Variants in CGNL1 observed in about 807,000 individuals in gnomAD.
CGNL1 encodes cingulin-like protein 1.
CGNL1 carries 132 observed loss-of-function variants against 141.2 expected under a neutral mutation model. The ratio of observed to expected loss-of-function variants is 0.93; its 90% CI spans 0.81 to 1.08. The LOEUF (loss-of-function observed/expected upper bound fraction) is 1.08. Among genes scored for constraint, CGNL1 ranks in the 50% least tolerant of loss-of-function variants. The pLI, the probability that CGNL1 is intolerant of heterozygous loss-of-function variation, is 0.00. For missense variants in CGNL1, 1,870 were observed against 1,588.6 expected, an observed-to-expected ratio of 1.18 and a Z score of -3.01; for synonymous variants, 690 against 622.1, an observed-to-expected ratio of 1.11 and a Z score of -1.63.
chr15:57,419,828 A>G (rs1486483354), intron 1 of CGNL1, among the ~76,000 whole-genome samples: 3 of 152,166 alleles, frequency 2.0e-5, no homozygotes, highest in Non-Finnish European at 4.4e-5. Context: ...TGAGGAAGTC[A>G]CTATGTGCAG....
chr15:57,545,493 G>C (rs1170315506), intron 16 of CGNL1, 99 bp from the exon 17 acceptor site: 2 of 1,024,514 alleles, frequency 2.0e-6, no homozygotes, highest in Non-Finnish European at 2.9e-6. Context: ...GAGCTGACCA[G>C]GCACCCCTGG....
At chr15:57,503,779 C>T (rs997070650) in intron 8 of CGNL1, among the ~76,000 whole-genome samples, 4 of 152,062 alleles carry the variant, frequency 2.6e-5, no homozygotes, top group South Asian at 2.1e-4. Context: ...GATACAGAAG[C>T]GGAAACCTCT....
intron 1 of CGNL1, among the ~76,000 whole-genome samples, chr15:57,410,728 T>C (rs73417960): frequency 0.11 from 16,211 of 152,292 alleles, 978 homozygotes; most frequent in Middle Eastern, 0.21. Flanking sequence ...TGCTAAACTT[T>C]TGCCTCTTAA....
At position 57,401,017 on chromosome 15, in the gene CGNL1, A is replaced by AT. The variant is rs1214587391; in HGVS notation, c.-16+24459dup. On this transcript the variant is annotated intron_variant, in intron 1 of 18. Coordinates refer to ENST00000281282, the MANE Select transcript of CGNL1 (RefSeq NM_032866.5). ...ATAACTACGCTTTAAGGATTTGATAATTTTTTTTTAGATTTTTCTGTAACT... is the reference window on the plus strand; with the variant it reads ...ATAACTACGCTTTAAGGATTTGATAATTTTTTTTTTAGATTTTTCTGTAACT... 1.1e-4 allele frequency among the ~76,000 whole-genome samples: 16 copies of AT among 150,886 alleles called. No individual in the cohort carries two copies. In the East Asian group the frequency reaches 2.1e-3, roughly 20 times the overall value.
Position 57,547,379 on chromosome 15 carries a change from G to T in CGNL1, c.3798G>T (p.Val1266=), listed in dbSNP as rs1363635718. Residue 1266 remains valine, a synonymous_variant, in exon 19 of 19, where the codon GTG becomes GTT. Coordinates refer to ENST00000281282, the MANE Select transcript of CGNL1 (RefSeq NM_032866.5). ...DLRLKKLPSK[V]LDDMDDDDDL... ...GACTGAAGAAGCTGCCGAGTAAAGT[G>T]CTGGATGACATGGATGACGACGATG... 5 of 1,614,228 alleles carry T rather than the reference G, an allele frequency of 3.1e-6. No homozygotes were observed. The highest frequency in any genetic ancestry group is 4.2e-6 in the Non-Finnish European group (5 of 1,180,030).
At chr15:57,538,758 C>A (rs973374435) in intron 14 of CGNL1, among the ~76,000 whole-genome samples, 2 of 152,214 alleles carry the variant, frequency 1.3e-5, no homozygotes, top group Non-Finnish European at 2.9e-5. Context: ...GCGCTCTCTG[C>A]ACTCTGCCTC....
At chr15:57,529,001 C>T (rs1374092193) in intron 13 of CGNL1, 186 bp downstream of exon 13, 9 of 580,624 alleles carry the variant, frequency 1.6e-5, no homozygotes, top group Non-Finnish European at 2.7e-5. Context: ...AGACTCAGGA[C>T]ATCAGAGCTA....
chr15:57,445,981 G>C (rs2063246167), intron 4 of CGNL1, among the ~76,000 whole-genome samples: 1 of 152,276 alleles, frequency 6.6e-6, no homozygotes, highest in East Asian at 1.9e-4. Flanking sequence ...ACATCTAAAA[G>C]GAGAAAGCCA....
intron 8 of CGNL1, among the ~76,000 whole-genome samples, chr15:57,474,515 C>A (rs998868892): frequency 3.9e-5 from 6 of 152,040 alleles, no homozygotes; most frequent in African/African-American, 1.4e-4. Flanking sequence ...TTGCAGAATG[C>A]CCTGTATTTG....
At position 57,517,029 on chromosome 15, in the gene CGNL1, T is replaced by C. The variant is rs538687806; in HGVS notation, c.2610+43T>C. ...CAGGCCCAGCTTTGGCAGCTGCTGC[T>C]CCTTCTTTCCTGTGTAAGTGATTTC... is the stretch of plus-strand genomic sequence containing the variant. On this transcript the variant is annotated intron_variant, in intron 9 of 18. Coordinates refer to ENST00000281282, the MANE Select transcript of CGNL1 (RefSeq NM_032866.5). 4 of 1,561,800 alleles carry C rather than the reference T, an allele frequency of 2.6e-6. No individual in the cohort carries two copies. The East Asian group carries it at 9.1e-5, about 36-fold the overall frequency.
At chr15:57,386,246 G>A (rs911332139) in intron 1 of CGNL1, among the ~76,000 whole-genome samples, 1 of 152,170 alleles carries the variant, frequency 6.6e-6, no homozygotes, top group Non-Finnish European at 1.5e-5. Context: ...GGTGGAGTGG[G>A]GCCTGTGCTG....
intron 10 of CGNL1, among the ~76,000 whole-genome samples, chr15:57,518,810 G>A (rs1268760758): frequency 1.3e-5 from 2 of 152,222 alleles, no homozygotes; most frequent in East Asian, 1.9e-4. Context: ...TGCAAAGAAT[G>A]ATCAGGCCCC....
intron 8 of CGNL1, among the ~76,000 whole-genome samples, chr15:57,493,317 G>A (rs1244185491): frequency 3.3e-5 from 5 of 152,122 alleles, no homozygotes; most frequent in Admixed American, 1.3e-4. Flanking sequence ...GGGTTACTAG[G>A]CAAGGAGATT....
chr15:57,376,816 A>C, intron 1 of CGNL1: 2 of 144,162 alleles, frequency 1.4e-5, no homozygotes, highest in Non-Finnish European at 3.0e-5. Flanking sequence ...TCCCTGGGGA[A>C]CCCGCTTCGG....
At chr15:57,518,544 A>G in intron 10 of CGNL1, 47 bp downstream of exon 10, 1 of 1,297,542 alleles carries the variant, frequency 7.7e-7, no homozygotes, top group East Asian at 2.4e-5. Context: ...AAGAATGCAT[A>G]GAGACGCAAC....
intron 8 of CGNL1, among the ~76,000 whole-genome samples, chr15:57,464,982 C>A (rs1468347013): frequency 6.6e-6 from 1 of 152,006 alleles, no homozygotes; most frequent in Non-Finnish European, 1.5e-5. Context: ...GAACACCTGG[C>A]CTCAAGTGAT....
In CGNL1 at chr15:57,547,547, A is replaced by G. The variant is rs767392237; in HGVS notation, c.*57A>G. 6.3e-6 allele frequency: 10 copies of G among 1,584,718 alleles called. No individual in the cohort carries two copies. Among genetic ancestry groups the G allele is most frequent in the Non-Finnish European group, 8.6e-6 (10 of 1,163,504 alleles). On this transcript the variant is annotated 3_prime_UTR_variant, in exon 19 of 19. Transcript: ENST00000281282. ...TTCCTGCAGGAGCTGCAGCCACCCA[A>G]AGTGGGAGGCAGGGAGGGGAGCATC...
At position 57,544,583 on chromosome 15, in the gene CGNL1, G is replaced by T. The variant is rs773916106; in HGVS notation, c.3486G>T (p.Leu1162=). Reference sequence around the variant, plus strand: ...GGATCGCGGAGCTGGAGGACCGCCTGGAGAGTGAGGAGAGGTGAGCCGGGC... The same window carrying T: ...GGATCGCGGAGCTGGAGGACCGCCTTGAGAGTGAGGAGAGGTGAGCCGGGC... ...EARIAELEDR[L]ESEERDRANL... The change falls in exon 16 of 19, where the codon CTG becomes CTT. Residue 1162 remains leucine, a synonymous_variant. Transcript: ENST00000281282. 3.2e-6 allele frequency: 5 copies of T among 1,582,546 alleles called. No individual in the cohort carries two copies. The South Asian group carries it at 5.8e-5, about 18-fold the overall frequency.
At chr15:57,468,059 C>T (rs1198215713) in intron 8 of CGNL1, among the ~76,000 whole-genome samples, 2 of 151,952 alleles carry the variant, frequency 1.3e-5, no homozygotes, top group African/African-American at 2.4e-5. Context: ...CAAAATAATC[C>T]ACTTTGTTGG....
Sources: gnomAD v4.1 joint callset for allele counts (sites outside exome capture counted in the v4.1 genomes callset) on GRCh38, gnomAD v4.1.1 for gene constraint, MANE v1.5 for transcripts, NCBI Gene and HGNC (gene_info 2026-07-23, HGNC 2026-07-21) for gene names.